Variants in MCM10 observed in about 807,000 individuals in gnomAD.
The protein encoded by MCM10 is minichromosome maintenance 10 replication initiation factor, also known as protein MCM10 homolog.
A neutral mutation model predicts 109.9 loss-of-function variants in MCM10; 91 were observed. That is an observed-to-expected ratio of 0.83 (90% CI 0.70 to 0.99). The LOEUF (loss-of-function observed/expected upper bound fraction) is 0.99. Among genes scored for constraint, MCM10 ranks in the 50% least tolerant of loss-of-function variants. MCM10 has a pLI of 0.00. For synonymous variants in MCM10, 380 were observed against 387.2 expected (o/e 0.98, Z 0.22); for missense variants, 1,077 against 1,061.2 (o/e 1.01, Z -0.21).
intron 8 of MCM10, among the ~76,000 whole-genome samples, chr10:13,183,940 C>T (rs1834241619): frequency 6.6e-6 from 1 of 152,104 alleles, no homozygotes; most frequent in Non-Finnish European, 1.5e-5. Flanking sequence ...CTCACTTCAA[C>T]CTATACCTCC....
At chr10:13,173,240 A>G (rs748321814) in intron 5 of MCM10, among the ~76,000 whole-genome samples, 2 of 152,138 alleles carry the variant, frequency 1.3e-5, no homozygotes, top group Non-Finnish European at 2.9e-5. Context: ...CTATTTACTA[A>G]GTACTTAACA....
At chr10:13,164,279 T>C (rs1297264032) in intron 2 of MCM10, 70 bp downstream of exon 2, 1 of 1,453,210 alleles carries the variant, frequency 6.9e-7, no homozygotes, top group Non-Finnish European at 9.3e-7. Flanking sequence ...ACTTGTTATT[T>C]ATTCTACCTG....
At position 13,172,669 on chromosome 10, in the gene MCM10, A is replaced by G. The variant is rs759801458; in HGVS notation, c.496A>G (p.Arg166Gly). 9.3e-6 allele frequency: 15 copies of G among 1,614,170 alleles called. No individual in the cohort carries two copies. In the East Asian group the frequency reaches 3.3e-4, roughly 36 times the overall value. The stretch of plus-strand genomic sequence containing the variant: ...ACCTCTTAAGGAGAGGAGAGTTCAG[A>G]GAATTCAGGAGTCAACATGCTTTTC... ...RPPLKERRVQ[R>G]IQESTCFSAE... The change falls in exon 5 of 20, where the codon AGA becomes GGA. Residue 166 changes from arginine to glycine, a missense_variant. Transcript: ENST00000378714. The surrounding 1 kb of genome is among the most constrained non-coding windows in gnomAD (Gnocchi z 5.2).
chr10:13,171,225 C>T lies in MCM10; in HGVS notation c.311C>T (p.Pro104Leu). The change falls in exon 3 of 20, where the codon CCT becomes CTT. Residue 104 changes from proline (P) to leucine (L), a missense_variant. Transcript: ENST00000378714. ...ACTGAAAATAGGGTCCTCCCTGCTC[C>T]TGCCCCCAGGCGAGAGAAAACGAAT... The part of the protein sequence containing the change: ...QSTENRVLPA[P>L]APRREKTNEE... The T allele has an allele frequency of 1.9e-6, 3 of 1,613,482 alleles. No homozygotes were observed. The highest frequency in any genetic ancestry group is 2.5e-6 in the Non-Finnish European group (3 of 1,179,702).
At chr10:13,164,794 C>G (rs1385944171) in intron 2 of MCM10, among the ~76,000 whole-genome samples, 1 of 152,082 alleles carries the variant, frequency 6.6e-6, no homozygotes, top group Non-Finnish European at 1.5e-5. Flanking sequence ...CGCAGTGGCT[C>G]ACGCCTGTGA....
At chr10:13,205,159 C>T (rs776527378) in intron 18 of MCM10, among the ~76,000 whole-genome samples, 10 of 151,608 alleles carry the variant, frequency 6.6e-5, no homozygotes, top group Admixed American at 2.0e-4. Context: ...AAATAATGTA[C>T]ATTGTACCCA....
chr10:13,173,631 C>T (rs1249309151), intron 5 of MCM10, among the ~76,000 whole-genome samples: 1 of 152,154 alleles, frequency 6.6e-6, no homozygotes, highest in Non-Finnish European at 1.5e-5. Context: ...GGAAAAGCCC[C>T]TTTGAATAGC....
intron 17 of MCM10, 121 bp downstream of exon 17, chr10:13,201,655 C>T: frequency 1.3e-6 from 1 of 748,252 alleles, no homozygotes; most frequent in Non-Finnish European, 2.2e-6. Flanking sequence ...GTTAATTAGG[C>T]TGGAAAGCAA....
At chr10:13,169,380 C>T (rs1392947355) in intron 2 of MCM10, among the ~76,000 whole-genome samples, 4 of 152,144 alleles carry the variant, frequency 2.6e-5, no homozygotes, top group Admixed American at 2.6e-4. Context: ...CCTTGATTTC[C>T]TTTGCATGAG....
chr10:13,186,655 C>T (rs549409038), intron 9 of MCM10, among the ~76,000 whole-genome samples: 1 of 152,134 alleles, frequency 6.6e-6, no homozygotes, highest in Non-Finnish European at 1.5e-5. Context: ...ATAATAGCTT[C>T]ATTTAGGTAT....
intron 16 of MCM10, among the ~76,000 whole-genome samples, chr10:13,200,508 C>A (rs764862298): frequency 6.6e-6 from 1 of 152,226 alleles, no homozygotes; most frequent in African/African-American, 2.4e-5. Flanking sequence ...GACAGTTCTG[C>A]ATCATATCTT....
At chr10:13,180,056 C>A (rs1834190332) in intron 6 of MCM10, among the ~76,000 whole-genome samples, 1 of 152,156 alleles carries the variant, frequency 6.6e-6, no homozygotes, top group Admixed American at 6.5e-5. Flanking sequence ...GAGTTTGAGA[C>A]CAGCCTGGCC....
At chr10:13,203,378 C>T (rs1004043345) in intron 17 of MCM10, among the ~76,000 whole-genome samples, 13 of 152,264 alleles carry the variant, frequency 8.5e-5, no homozygotes, top group Admixed American at 4.6e-4. Flanking sequence ...TTTAAGGGTC[C>T]TTGTGATTCC....
intron 3 of MCM10, among the ~76,000 whole-genome samples, 192 bp downstream of exon 3, chr10:13,171,455 AGACTCTATCAG>A (rs1834072419): frequency 6.6e-6 from 1 of 152,246 alleles, no homozygotes. Flanking sequence ...CACAAACTAT[AGACTCTATCAG>A]TGTCAGCCAG....
chr10:13,171,195 A>C lies in MCM10; in HGVS notation c.281A>C (p.Gln94Pro). Reference sequence around the variant, plus strand: ...GATGAAGAAGAAGTTCCCGCATCACAGTCAACTGAAAATAGGGTCCTCCCT... The same window carrying C: ...GATGAAGAAGAAGTTCCCGCATCACCGTCAACTGAAAATAGGGTCCTCCCT... ...LTDEEEVPAS[Q>P]STENRVLPAP... The change falls in exon 3 of 20, where the codon CAG becomes CCG. Residue 94 changes from glutamine (Q) to proline (P), a missense_variant. Coordinates refer to ENST00000378714, the MANE Select transcript of MCM10 (RefSeq NM_018518.5). The C allele has an allele frequency of 6.2e-7, 1 of 1,614,222 alleles. No individual in the cohort carries two copies. Among genetic ancestry groups the C allele is most frequent in the Non-Finnish European group, 8.5e-7 (1 of 1,180,038 alleles).
chr10:13,198,844 C>T (rs1428539458), intron 16 of MCM10, 37 bp downstream of exon 16: 4 of 1,355,428 alleles, frequency 3.0e-6, no homozygotes, highest in Admixed American at 1.7e-5. Flanking sequence ...TGTTGATGTC[C>T]GATGTCCTTC....
Position 13,191,298 on chromosome 10 carries a change from G to T in MCM10, c.1416-1G>T. The T allele has an allele frequency of 6.2e-7, 1 of 1,610,718 alleles. No homozygotes were observed. Among genetic ancestry groups the T allele is most frequent in the Non-Finnish European group, 8.5e-7 (1 of 1,176,912 alleles). ...CTTTTGGGGGTGACTTGTCATTTCA[G>T]TGCAGCAGCTGTGGCTCCTAAGAAG... On this transcript the variant is annotated splice_acceptor_variant, in intron 10 of 19. Transcript: ENST00000378714. LOFTEE classifies it high-confidence loss of function.
At chr10:13,176,543 T>C (rs764934603) in intron 6 of MCM10, among the ~76,000 whole-genome samples, 1 of 152,182 alleles carries the variant, frequency 6.6e-6, no homozygotes, top group Non-Finnish European at 1.5e-5. Context: ...CTAAAACTGC[T>C]AAGCTCTTAA....
At chr10:13,163,422 C>T (rs186543303) in intron 1 of MCM10, among the ~76,000 whole-genome samples, 18 of 152,220 alleles carry the variant, frequency 1.2e-4, no homozygotes, top group African/African-American at 4.3e-4. Context: ...TAAATAAGAG[C>T]CTAGAAAAAT....
Sources: allele counts gnomAD v4.1 joint callset (sites outside exome capture counted in the v4.1 genomes callset), GRCh38; gene constraint gnomAD v4.1.1; non-coding constraint Gnocchi (gnomAD v3.1); transcripts MANE v1.5; gene names NCBI Gene and HGNC (gene_info 2026-07-23, HGNC 2026-07-21).